The following RNF180 variants were observed in gnomAD, a reference collection of about 807,000 sequenced individuals.
The protein encoded by RNF180 is E3 ubiquitin-protein ligase RNF180.
In RNF180, 38 loss-of-function variants were observed where a neutral mutation model predicts 59.2. That is an observed-to-expected ratio of 0.64 (90% confidence interval 0.50 to 0.84). The LOEUF (loss-of-function observed/expected upper bound fraction) is 0.84. RNF180 is among the 40% of genes least tolerant of loss of function. The pLI, the probability that RNF180 is intolerant of heterozygous loss-of-function variation, is 0.00. For missense variants in RNF180, 705 were observed against 700.9 expected (o/e 1.01, Z -0.07); for synonymous variants, 262 against 240.3 (o/e 1.09, Z -0.84).
chr5:64,234,645 G>A (rs1215438007), intron 5 of RNF180, among the ~76,000 whole-genome samples: 1 of 119,244 alleles, frequency 8.4e-6, no homozygotes, highest in Non-Finnish European at 1.6e-5. Flanking sequence ...TGTCGCCCAG[G>A]CTGGAGTGCC....
intron 5 of RNF180, among the ~76,000 whole-genome samples, chr5:64,270,026 A>AAC (rs146625939): frequency 0.059 from 8,822 of 148,640 alleles, 664 homozygotes; most frequent in African/African-American, 0.18. Context: ...CAGTAACAAT[A>AAC]ACACACACAC....
At chr5:64,322,772 T>G (rs1322713727) in intron 5 of RNF180, among the ~76,000 whole-genome samples, 1 of 151,992 alleles carries the variant, frequency 6.6e-6, no homozygotes, top group African/African-American at 2.4e-5. Flanking sequence ...TTCTCACTCA[T>G]AAGTGGGAGC....
chr5:64,241,518 A>G (rs1291919802), intron 5 of RNF180, among the ~76,000 whole-genome samples: 1 of 152,234 alleles, frequency 6.6e-6, no homozygotes, highest in Admixed American at 6.5e-5. Flanking sequence ...AATTTATTTG[A>G]GCTGCATATG....
chr5:64,288,385 T>G (rs1398671420), intron 5 of RNF180, among the ~76,000 whole-genome samples: 5 of 152,226 alleles, frequency 3.3e-5, no homozygotes, highest in Non-Finnish European at 5.9e-5. Context: ...CTATTTGGGC[T>G]CTTTTTTAGT....
intron 5 of RNF180, among the ~76,000 whole-genome samples, chr5:64,306,806 A>G (rs1743489649): frequency 1.3e-5 from 2 of 150,294 alleles, no homozygotes; most frequent in Non-Finnish European, 3.0e-5. Context: ...GGGGAACATC[A>G]CACACTGAGG....
At chr5:64,317,390 A>G (rs1744098409) in intron 5 of RNF180, among the ~76,000 whole-genome samples, 1 of 152,056 alleles carries the variant, frequency 6.6e-6, no homozygotes, top group South Asian at 2.1e-4. Context: ...ATACTGATAG[A>G]TATTAAATGA....
In RNF180 at chr5:64,213,681, C is replaced by T. The variant is rs371172901; in HGVS notation, c.355C>T (p.Arg119Trp). The stretch of plus-strand genomic sequence containing the variant: ...TGCAGCTGTACATCTCTCCAAGAGC[C>T]GGACTGATTATCAGCCAACACAGGC... ...QLAAVHLSKSRTDYQPTQAGR... is the reference protein window; with the variant it reads ...QLAAVHLSKSWTDYQPTQAGR... The change falls in exon 4 of 8, where the codon CGG (arginine) becomes TGG (tryptophan). Residue 119 changes from arginine (R) to tryptophan (W), a missense_variant. By Grantham distance (101) the Arg-to-Trp change is moderately radical. Coordinates refer to ENST00000389100, the MANE Select transcript of RNF180 (RefSeq NM_001113561.2). 1.7e-5 allele frequency: 28 copies of T among 1,613,976 alleles called. No individual in the cohort carries two copies. The highest frequency in any genetic ancestry group is 1.6e-4 in the Middle Eastern group (1 of 6,082).
chr5:64,223,949 A>C (rs2112162206), intron 5 of RNF180, among the ~76,000 whole-genome samples: 1 of 152,224 alleles, frequency 6.6e-6, no homozygotes, highest in East Asian at 1.9e-4. Flanking sequence ...CAGTTTACTT[A>C]ATATGGGATT....
rs1338576989 is a variant in RNF180, at chr5:64,258,412, G to T, written c.1227+41016G>T. ...GTTAGAAGTTATTCTGGTAAGAGAG[G>T]TTGAGTTACTGAACCAATAAAATGA... On this transcript the variant is annotated intron_variant, in intron 5 of 7. Transcript: ENST00000389100. 2.6e-5 allele frequency among the ~76,000 whole-genome samples: 4 copies of T among 152,166 alleles called. No individual in the cohort carries two copies. In the East Asian group the frequency reaches 7.7e-4, roughly 29 times the overall value.
chr5:64,200,297 T>TA (rs542010781), intron 1 of RNF180, among the ~76,000 whole-genome samples: 1 of 151,758 alleles, frequency 6.6e-6, no homozygotes, highest in Non-Finnish European at 1.5e-5. Flanking sequence ...AAATAAAAAA[T>TA]AAAAAATATT....
At chr5:64,175,060 C>G (rs534619761) in intron 1 of RNF180, among the ~76,000 whole-genome samples, 1 of 151,364 alleles carries the variant, frequency 6.6e-6, no homozygotes, top group East Asian at 1.9e-4. Flanking sequence ...TTCCACCTCC[C>G]GGGTTCAAAT....
chr5:64,214,438 G>C lies in RNF180; in HGVS notation c.1112G>C (p.Arg371Thr), dbSNP rs201552227. 102 of 1,613,614 alleles carry C rather than the reference G, an allele frequency of 6.3e-5. No individual in the cohort carries two copies. The highest frequency in any genetic ancestry group is 8.1e-5 in the Non-Finnish European group (95 of 1,179,742). Residue 371 changes from arginine to threonine, a missense_variant, in exon 4 of 8, where the codon AGG (arginine) becomes ACG (threonine). Physicochemically the swap from Arg to Thr is moderately conservative, Grantham distance 71. Transcript: ENST00000389100. ...TTTTCATTGGGCAGCATTAATCAGAGGCTTAATAAGAGAGAAAGGAGCAAG... is the reference window on the plus strand; with the variant it reads ...TTTTCATTGGGCAGCATTAATCAGACGCTTAATAAGAGAGAAAGGAGCAAG... ...ANFSLGSINQ[R>T]LNKRERSKLK...
At chr5:64,261,750 C>G (rs1405327589) in intron 5 of RNF180, among the ~76,000 whole-genome samples, 1 of 152,112 alleles carries the variant, frequency 6.6e-6, no homozygotes, top group Admixed American at 6.6e-5. Flanking sequence ...AGAAACAAAG[C>G]TGCTCAAGTG....
chr5:64,355,324 T>C (rs1745974711), intron 7 of RNF180, among the ~76,000 whole-genome samples: 1 of 151,844 alleles, frequency 6.6e-6, no homozygotes, highest in African/African-American at 2.4e-5. Context: ...TACAATAGCA[T>C]CTAAAAGAAT....
intron 7 of RNF180, among the ~76,000 whole-genome samples, chr5:64,341,066 G>A (rs1211252171): frequency 2.6e-5 from 4 of 152,024 alleles, no homozygotes; most frequent in Non-Finnish European, 4.4e-5. Flanking sequence ...ATTGGATGTT[G>A]GTGGGATATG....
At chr5:64,366,953 A>AAGAT (rs1211343228) in intron 7 of RNF180, among the ~76,000 whole-genome samples, 3 of 151,614 alleles carry the variant, frequency 2.0e-5, no homozygotes, top group Non-Finnish European at 3.0e-5. Context: ...TCAAGAGTCA[A>AAGAT]AGATAGAATT....
intron 1 of RNF180, among the ~76,000 whole-genome samples, chr5:64,179,939 G>C (rs1750480204): frequency 1.3e-5 from 2 of 152,162 alleles, no homozygotes; most frequent in South Asian, 4.1e-4. Context: ...AGTGTGATGA[G>C]TGTGAACGGG....
chr5:64,225,784 C>T (rs1377057251), intron 5 of RNF180, among the ~76,000 whole-genome samples: 1 of 132,682 alleles, frequency 7.5e-6, no homozygotes, highest in Non-Finnish European at 1.6e-5. Context: ...CTCTGCCCAG[C>T]CTCCCTTTGG....
intron 7 of RNF180, among the ~76,000 whole-genome samples, chr5:64,342,008 G>A (rs1473576726): frequency 6.6e-6 from 1 of 152,116 alleles, no homozygotes; most frequent in African/African-American, 2.4e-5. Context: ...GGCCAGATTA[G>A]AGGGATGAAT....
Sources: gnomAD v4.1 joint callset for allele counts (sites outside exome capture counted in the v4.1 genomes callset) on GRCh38, gnomAD v4.1.1 for gene constraint, MANE v1.5 for transcripts, NCBI Gene and HGNC (gene_info 2026-07-23, HGNC 2026-07-21) for gene names.